Variants in ILRUN observed in about 807,000 individuals in gnomAD.
ILRUN encodes inflammation and lipid regulator with UBA-like and NBR1-like domains, also known as protein ILRUN.
ILRUN carries 3 observed loss-of-function variants against 33.8 expected under a neutral mutation model. The ratio of observed to expected loss-of-function variants is 0.09; its 90% CI spans 0.04 to 0.23. The LOEUF (loss-of-function observed/expected upper bound fraction) is 0.23. ILRUN is among the 10% of genes least tolerant of loss of function. The probability of loss-of-function intolerance (pLI) is 1.00; values close to 1 mark genes in which losing one functional copy is unlikely to be tolerated. For missense variants in ILRUN, 210 were observed against 375.1 expected (o/e 0.56, Z 3.64); for synonymous variants, 124 against 138.9 (o/e 0.89, Z 0.75).
intron 1 of ILRUN, among the ~76,000 whole-genome samples, chr6:34,659,061 AG>A: frequency 6.6e-6 from 1 of 152,366 alleles, no homozygotes; most frequent in South Asian, 2.1e-4. Context: ...CTGGAGCATT[AG>A]GGATACAGCA....
intron 1 of ILRUN, among the ~76,000 whole-genome samples, chr6:34,663,340 T>G (rs1481022307): frequency 6.6e-6 from 1 of 152,092 alleles, no homozygotes; most frequent in Non-Finnish European, 1.5e-5. Flanking sequence ...GAAAGATCAC[T>G]TGAGCCCAGG....
chr6:34,667,978 T>C (rs964284104), intron 1 of ILRUN, among the ~76,000 whole-genome samples: 3 of 152,204 alleles, frequency 2.0e-5, no homozygotes, highest in African/African-American at 7.2e-5. Flanking sequence ...TAGATAATAC[T>C]TTTGTTTCCA....
intron 1 of ILRUN, among the ~76,000 whole-genome samples, chr6:34,668,905 G>T (rs577813744): frequency 1.3e-5 from 2 of 149,794 alleles, no homozygotes; most frequent in African/African-American, 4.9e-5. Flanking sequence ...GTGCAATGGC[G>T]TAATCTTGGA....
At chr6:34,616,548 T>C (rs1761895981) in intron 3 of ILRUN, 3 of 1,311,116 alleles carry the variant, frequency 2.3e-6, no homozygotes, top group Admixed American at 3.4e-5. Context: ...ATGGAGGGTG[T>C]CGAAGAGAAG....
At chr6:34,670,479 G>A (rs1582096178) in intron 1 of ILRUN, among the ~76,000 whole-genome samples, 1 of 152,132 alleles carries the variant, frequency 6.6e-6, no homozygotes, top group Non-Finnish European at 1.5e-5. Context: ...GATAACTAGT[G>A]AATCTATGGG....
intron 1 of ILRUN, among the ~76,000 whole-genome samples, chr6:34,666,450 A>C (rs1763007226): frequency 6.6e-6 from 1 of 151,920 alleles, no homozygotes; most frequent in Non-Finnish European, 1.5e-5. Flanking sequence ...AATCCCAGTT[A>C]CTCGCGAGGC....
intron 1 of ILRUN, among the ~76,000 whole-genome samples, chr6:34,661,342 A>T (rs891156720): frequency 6.6e-6 from 1 of 152,216 alleles, no homozygotes; most frequent in African/African-American, 2.4e-5. Context: ...AAAGAAAGCA[A>T]ATATGGCAAA....
chr6:34,618,560 T>TCC (rs981112080), intron 3 of ILRUN, among the ~76,000 whole-genome samples: 6 of 152,172 alleles, frequency 3.9e-5, no homozygotes, highest in Non-Finnish European at 8.8e-5. Flanking sequence ...AAAAGATGCT[T>TCC]CCCTCCTCCT....
At chr6:34,595,916 C>A in intron 4 of ILRUN, 1 of 985,368 alleles carries the variant, frequency 1.0e-6, no homozygotes, top group Non-Finnish European at 1.2e-6. Flanking sequence ...GTGCTTCTTC[C>A]GCCTAGTGCT....
At chr6:34,648,648 C>T (rs1276104474) in intron 2 of ILRUN, among the ~76,000 whole-genome samples, 2 of 152,138 alleles carry the variant, frequency 1.3e-5, no homozygotes, top group Non-Finnish European at 2.9e-5. Flanking sequence ...TGTCTTACAA[C>T]AAGCAGAACA....
At chr6:34,644,008 T>G (rs1440846605) in intron 3 of ILRUN, among the ~76,000 whole-genome samples, 1 of 152,218 alleles carries the variant, frequency 6.6e-6, no homozygotes, top group Non-Finnish European at 1.5e-5. Context: ...GGCCTTTACT[T>G]TTATTTTTTA....
At chr6:34,638,496 T>C (rs922447145) in intron 3 of ILRUN, among the ~76,000 whole-genome samples, 12 of 152,012 alleles carry the variant, frequency 7.9e-5, no homozygotes, top group Middle Eastern at 6.3e-3. Flanking sequence ...GGAGGATCGC[T>C]TGAGCCTAGG....
At chr6:34,650,828 C>G (rs770153828) in intron 2 of ILRUN, among the ~76,000 whole-genome samples, 2 of 152,168 alleles carry the variant, frequency 1.3e-5, no homozygotes, top group Non-Finnish European at 2.9e-5. Flanking sequence ...TATGCGATTC[C>G]TATCAGTCTC....
intron 1 of ILRUN, among the ~76,000 whole-genome samples, chr6:34,683,502 A>G (rs896350501): frequency 5.8e-5 from 5 of 85,860 alleles, no homozygotes; most frequent in Non-Finnish European, 1.1e-4. Flanking sequence ...ATATATACAT[A>G]TATATATATA....
At chr6:34,614,457 A>AAAATGTATATATAT (rs1761833970) in intron 3 of ILRUN, among the ~76,000 whole-genome samples, 1 of 134,004 alleles carries the variant, frequency 7.5e-6, no homozygotes, top group East Asian at 2.0e-4. Flanking sequence ...TATATATATA[A>AAAATGTATATATAT]AATGTATATT....
chr6:34,619,978 C>CT (rs1361638939), intron 3 of ILRUN, among the ~76,000 whole-genome samples: 1 of 126,404 alleles, frequency 7.9e-6, no homozygotes, highest in African/African-American at 3.2e-5. Flanking sequence ...GAGCAAGACT[C>CT]TGTCTCCAAA....
rs765678913 is a variant in ILRUN, at chr6:34,696,598, C to T, written c.6G>A (p.Glu2=). 1 of 1,606,846 alleles carries T rather than the reference C, an allele frequency of 6.2e-7. No homozygotes were observed. The highest frequency in any genetic ancestry group is 2.2e-5 in the East Asian group (1 of 44,680). ...CCGGGTCCAGGTCTACGTCCATGCC[C>T]TCCATGGCGGGGACCGGACACCCGC... M[E]GMDVDLDPEL... Residue 2 remains glutamate (E), a synonymous_variant, in exon 1 of 5, where the codon GAG becomes GAA. Coordinates refer to ENST00000374023, the MANE Select transcript of ILRUN (RefSeq NM_024294.4).
intron 1 of ILRUN, among the ~76,000 whole-genome samples, chr6:34,672,524 G>A (rs1763138815): frequency 6.6e-6 from 1 of 151,864 alleles, no homozygotes; most frequent in African/African-American, 2.4e-5. Flanking sequence ...GACCAGTCTG[G>A]GCAACAAAGA....
rs62398733 is a variant in ILRUN, at chr6:34,616,418, T to C, written c.512-9514A>G. On this transcript the variant is annotated intron_variant, in intron 3 of 4. Coordinates refer to ENST00000374023, the MANE Select transcript of ILRUN (RefSeq NM_024294.4). ...AAGCTACAGGCTCATATTTCATCTC[T>C]ATAGAAAAGCTGGGTGTGTACTGTC... 5.5e-3 allele frequency: 2,951 copies of C among 536,064 alleles called. 16 individuals carry two copies. The highest frequency in any genetic ancestry group is 0.013 in the South Asian group (468 of 37,032). 33.2% of individuals were successfully genotyped at this position (536,064 alleles called of 1,614,324 possible).
Sources: gnomAD v4.1 joint callset for allele counts (sites outside exome capture counted in the v4.1 genomes callset) on GRCh38, gnomAD v4.1.1 for gene constraint, MANE v1.5 for transcripts, NCBI Gene and HGNC (gene_info 2026-07-23, HGNC 2026-07-21) for gene names.